Variants in CHD7 observed in about 807,000 individuals in gnomAD.
The protein encoded by CHD7 is ATP-dependent chromatin remodeler CHD7.
Under a neutral mutation model 307.3 loss-of-function variants are expected in CHD7, and 24 were observed. The ratio of observed to expected loss-of-function variants is 0.08; its 90% CI spans 0.06 to 0.11. The LOEUF is 0.11. Ranked by LOEUF, CHD7 falls within the 10% of genes least tolerant of loss-of-function variation. The pLI is 1.00. For synonymous variants in CHD7, 1,363 were observed against 1,349.9 expected, an observed-to-expected ratio of 1.01 and a Z score of -0.21; for missense variants, 3,106 against 3,727.1, an observed-to-expected ratio of 0.83 and a Z score of 4.34.
chr8:60,755,701 TAAATG>T (rs1809857857), intron 2 of CHD7, among the ~76,000 whole-genome samples: 1 of 152,210 alleles, frequency 6.6e-6, no homozygotes, highest in South Asian at 2.1e-4. Context: ...ATCTGTGTAT[TAAATG>T]AAATGTTTCC....
chr8:60,680,049 C>T (rs1010911216), intron 1 of CHD7, among the ~76,000 whole-genome samples: 5 of 151,684 alleles, frequency 3.3e-5, no homozygotes, highest in African/African-American at 1.2e-4. Context: ...GGGCCGCCGG[C>T]GGCGGCAGCT....
chr8:60,696,968 A>G (rs112392330), intron 1 of CHD7, among the ~76,000 whole-genome samples: 4 of 152,144 alleles, frequency 2.6e-5, no homozygotes, highest in African/African-American at 9.6e-5. Flanking sequence ...AGTTTCCTGA[A>G]ATCAAGGAAC....
At position 60,861,136 on chromosome 8, in the gene CHD7, C is replaced by G; in HGVS notation, c.7830+11C>G. On this transcript the variant is annotated intron_variant, in intron 35 of 37. Coordinates refer to ENST00000423902, the MANE Select transcript of CHD7 (RefSeq NM_017780.4). Reference sequence around the variant, plus strand: ...CCAAGTTATGTACCAGTGAGTATTGCAGAGTTTAGAGTTGGAAGGAATCTT... The same window carrying G: ...CCAAGTTATGTACCAGTGAGTATTGGAGAGTTTAGAGTTGGAAGGAATCTT... 6.4e-7 allele frequency: 1 copy of G among 1,557,994 alleles called. No individual in the cohort carries two copies. Among genetic ancestry groups the G allele is most frequent in the East Asian group, 2.4e-5 (1 of 41,926 alleles).
At chr8:60,839,616 C>T (rs1804882613) in intron 19 of CHD7, among the ~76,000 whole-genome samples, 1 of 152,132 alleles carries the variant, frequency 6.6e-6, no homozygotes, top group African/African-American at 2.4e-5. Context: ...TTTTTATTAT[C>T]TGAGTTTTTA....
intron 2 of CHD7, among the ~76,000 whole-genome samples, chr8:60,745,435 G>A (rs1030149626): frequency 4.6e-5 from 7 of 152,272 alleles, no homozygotes; most frequent in Non-Finnish European, 7.4e-5. Flanking sequence ...AGTCTGTGGC[G>A]TTTGAATCCT....
intron 1 of CHD7, among the ~76,000 whole-genome samples, chr8:60,717,001 A>G (rs563999531): frequency 6.9e-6 from 1 of 145,058 alleles, no homozygotes; most frequent in Non-Finnish European, 1.5e-5. Context: ...CAAATTACAC[A>G]TTTTTCCCCT....
At chr8:60,864,601 A>G (rs1216069514) in intron 37 of CHD7, 1 of 202,188 alleles carries the variant, frequency 4.9e-6, no homozygotes, top group African/African-American at 2.3e-5. Flanking sequence ...TTGTATTACA[A>G]ACAATGTGAT....
rs139837679 is a variant in CHD7 at position 60,813,624 on chromosome 8, A to C, written c.2499-2763A>C. Among the ~76,000 whole-genome samples, 152 of 152,174 alleles carry C rather than the reference A, an allele frequency of 1.0e-3. No homozygotes were observed. In the East Asian group the frequency reaches 0.019, roughly 19 times the overall value. Reference sequence around the variant, plus strand: ...CATTATGGGTGTTAAAGTTTGTCAAATGTTTTTGCAGTGTCAATAGAAATA... The same window carrying C: ...CATTATGGGTGTTAAAGTTTGTCAACTGTTTTTGCAGTGTCAATAGAAATA... On this transcript the variant is annotated intron_variant, in intron 7 of 37. Transcript: ENST00000423902.
At chr8:60,738,208 G>T (rs1808802283) in intron 1 of CHD7, among the ~76,000 whole-genome samples, 1 of 152,140 alleles carries the variant, frequency 6.6e-6, no homozygotes, top group Non-Finnish European at 1.5e-5. Flanking sequence ...GAGATGTACT[G>T]TAAGTGTAAA....
At chr8:60,808,421 G>GT (rs1812638774) in intron 7 of CHD7, 149 bp downstream of exon 7, 2 of 617,220 alleles carry the variant, frequency 3.2e-6, no homozygotes, top group Non-Finnish European at 5.7e-6. Flanking sequence ...ACCAACTTTT[G>GT]TATGTTTGAT....
chr8:60,862,908 G>T (rs1586463553), intron 37 of CHD7: 2 of 444,386 alleles, frequency 4.5e-6, no homozygotes, highest in South Asian at 3.2e-5. Context: ...ACTTCTCCAG[G>T]GGGGATTGCC....
chr8:60,766,366 G>C (rs536247835), intron 2 of CHD7, among the ~76,000 whole-genome samples: 1 of 152,248 alleles, frequency 6.6e-6, no homozygotes, highest in African/African-American at 2.4e-5. Context: ...CCATGGTGAG[G>C]TGAGGACTTT....
chr8:60,726,258 A>G (rs1411440495), intron 1 of CHD7, among the ~76,000 whole-genome samples: 1 of 152,194 alleles, frequency 6.6e-6, no homozygotes, highest in Non-Finnish European at 1.5e-5. Context: ...TACTTAGCAT[A>G]TTTCCAATTG....
At chr8:60,836,308 T>C in intron 16 of CHD7, 25 bp downstream of exon 16, 5 of 1,595,080 alleles carry the variant, frequency 3.1e-6, no homozygotes, top group Non-Finnish European at 4.3e-6. Flanking sequence ...ATCAGAATAA[T>C]AAAAAGGAAA....
At chr8:60,808,398 A>G (rs974646128) in intron 7 of CHD7, 126 bp downstream of exon 7, 7 of 660,298 alleles carry the variant, frequency 1.1e-5, no homozygotes, top group Non-Finnish European at 1.8e-5. Context: ...ATGGCCTGGG[A>G]GGCCATTTTT....
At chr8:60,808,675 G>C (rs1812650154) in intron 7 of CHD7, 1 of 163,674 alleles carries the variant, frequency 6.1e-6, no homozygotes, top group Non-Finnish European at 1.3e-5. Flanking sequence ...GAAAGCTCTA[G>C]AGAACCATGA....
chr8:60,681,652 T>C (rs1272660031), intron 1 of CHD7, among the ~76,000 whole-genome samples: 1 of 152,256 alleles, frequency 6.6e-6, no homozygotes, highest in Non-Finnish European at 1.5e-5. Context: ...AGTGGAAATA[T>C]GGCATTCTCT....
In CHD7 at chr8:60,761,459, T is replaced by A. The variant is rs527465082; in HGVS notation, c.1665+18362T>A. Among the ~76,000 whole-genome samples, 10 of 151,996 alleles carry A rather than the reference T, an allele frequency of 6.6e-5. No individual in the cohort carries two copies. The East Asian group carries it at 1.9e-3, about 29-fold the overall frequency. On this transcript the variant is annotated intron_variant, in intron 2 of 37. Transcript: ENST00000423902. ...TATACATATGTAACTAACCTGCACA[T>A]TGTGCACATGTACCCTAAAACTTAA...
intron 3 of CHD7, among the ~76,000 whole-genome samples, chr8:60,791,695 G>A (rs1811779637): frequency 6.6e-6 from 1 of 152,226 alleles, no homozygotes; most frequent in African/African-American, 2.4e-5. Context: ...GGGTGTGAGG[G>A]TGATGAGGCA....
Sources: gnomAD v4.1 joint callset for allele counts (sites outside exome capture counted in the v4.1 genomes callset) on GRCh38, gnomAD v4.1.1 for gene constraint, MANE v1.5 for transcripts, NCBI Gene and HGNC (gene_info 2026-07-23, HGNC 2026-07-21) for gene names.